Variants in TMEM120A observed in about 807,000 individuals in gnomAD.
TMEM120A encodes the protein ion channel TACAN.
TMEM120A carries 45 observed loss-of-function variants against 54.3 expected under a neutral mutation model. The ratio of observed to expected loss-of-function variants is 0.83; its 90% CI spans 0.65 to 1.06. TMEM120A has a LOEUF of 1.06. Ranked by LOEUF, TMEM120A falls within the 50% of genes least tolerant of loss-of-function variation. The pLI is 0.00. For missense variants in TMEM120A, 424 were observed against 441.7 expected (o/e 0.96, Z 0.36); for synonymous variants, 204 against 178.5 (o/e 1.14, Z -1.14).
At position 75,988,082 on chromosome 7, in the gene TMEM120A, C is replaced by A. The variant is rs1442561790; in HGVS notation, c.629+1G>T. The A allele has an allele frequency of 6.2e-7, 1 of 1,606,952 alleles. No individual in the cohort carries two copies. The highest frequency in any genetic ancestry group is 8.5e-7 in the Non-Finnish European group (1 of 1,177,340). On this transcript the variant is annotated splice_donor_variant, in intron 7 of 11. Transcript: ENST00000493111. LOFTEE classifies it high-confidence loss of function. ...GCCCCTGCCGGGGCCCAGCCACTCA[C>A]CACGTCAGCATGACTCCCGACAGGA...
At position 75,988,316 on chromosome 7, in the gene TMEM120A, G is replaced by A. The variant is rs782297716; in HGVS notation, c.499C>T (p.Leu167=). The A allele has an allele frequency of 1.2e-6, 2 of 1,612,156 alleles. No homozygotes were observed. The highest frequency in any genetic ancestry group is 3.3e-5 in the Admixed American group (2 of 59,996). ...SRVTDAAFNF[L]LVWYYCTLTI... ...AGGGTGCAGTAGTACCAGACCAGCA[G>A]GAAGTTGAAGGCAGCATCTGTCACC... Residue 167 remains leucine (L), a synonymous_variant, in exon 6 of 12, where the codon CTG becomes TTG. Transcript: ENST00000493111.
rs782681200 is a variant in TMEM120A at position 75,987,443 on chromosome 7, G to A, written c.850-15C>T. 6.4e-7 allele frequency: 1 copy of A among 1,559,526 alleles called. No homozygotes were observed. Among genetic ancestry groups the A allele is most frequent in the South Asian group, 1.2e-5 (1 of 84,990 alleles). On this transcript the variant is annotated splice_polypyrimidine_tract_variant and intron_variant, in intron 10 of 11. Transcript: ENST00000493111. ...AGCTGCCAGAACTAAGCAGGGAGGA[G>A]GCATTTTACTCAGAAGACCCAGTCC...
At chr7:75,987,452 C>G (rs1413756942) in intron 10 of TMEM120A, 24 bp from the exon 11 acceptor site, 8 of 1,558,880 alleles carry the variant, frequency 5.1e-6, no homozygotes, top group Admixed American at 3.8e-5. Flanking sequence ...AGGCATTTTA[C>G]TCAGAAGACC....
At chr7:75,990,811 A>C (rs1391085015) in intron 3 of TMEM120A, among the ~76,000 whole-genome samples, 1 of 150,864 alleles carries the variant, frequency 6.6e-6, no homozygotes, top group Admixed American at 6.7e-5. Context: ...AGGCAGGAGA[A>C]TCGCTTGAAC....
At chr7:75,993,673 C>T (rs567585816) in intron 1 of TMEM120A, among the ~76,000 whole-genome samples, 3 of 152,310 alleles carry the variant, frequency 2.0e-5, no homozygotes, top group Non-Finnish European at 4.4e-5. Flanking sequence ...ATCAGCTGGC[C>T]AGGGCTCTAC....
At chr7:75,988,391 G>A (rs1789642578) in intron 5 of TMEM120A, 30 bp downstream of exon 5, 2 of 1,609,402 alleles carry the variant, frequency 1.2e-6, no homozygotes, top group African/African-American at 1.3e-5. Context: ...TGGGGATGGG[G>A]TGGGTCCTCG....
chr7:75,989,115 GC>G lies in TMEM120A; in HGVS notation c.377+49del, dbSNP rs1339503419. The G allele has an allele frequency of 6.8e-4, 305 of 449,920 alleles. 26 individuals carry two copies. Among genetic ancestry groups the G allele is most frequent in the Middle Eastern group, 1.2e-3 (2 of 1,718 alleles). 27.9% of individuals were successfully genotyped at this position (449,920 alleles called of 1,614,324 possible). On this transcript the variant is annotated intron_variant, in intron 4 of 11. Transcript: ENST00000493111. ...GTTGAGGGGGGGAGGGGGGTAGGGG[GC>G]TAGGGGTGGAGGGGTGGAGGTTGGG...
At position 75,987,262 on chromosome 7, in the gene TMEM120A, G is replaced by A. The variant is rs781857189; in HGVS notation, c.942C>T (p.Phe314=). ...EWQVLMCGFP[F]LLLFLGNFFT... ...AGAAATTGCCGAGGAAAAGGAGGAG[G>A]AAGGGAAAGCCGCACATAAGCACCT... Residue 314 remains phenylalanine (F), a synonymous_variant, in exon 12 of 12, where the codon TTC becomes TTT. Transcript: ENST00000493111. 8.7e-6 allele frequency: 14 copies of A among 1,605,524 alleles called. No individual in the cohort carries two copies. In the East Asian group the frequency reaches 2.9e-4, roughly 33 times the overall value.
intron 3 of TMEM120A, among the ~76,000 whole-genome samples, chr7:75,989,536 G>A (rs1789753684): frequency 6.6e-6 from 1 of 150,540 alleles, no homozygotes; most frequent in Admixed American, 6.6e-5. Context: ...CCCTGCTGAG[G>A]GCCGTCCCCC....
intron 3 of TMEM120A, among the ~76,000 whole-genome samples, chr7:75,990,304 GGGAGCACTATGCCA>G (rs539092747): frequency 1.4e-4 from 22 of 152,192 alleles, no homozygotes; most frequent in South Asian, 8.3e-4. Context: ...CTGCTCTATG[GGGAGCACTATGCCA>G]GGAGCACTGT....
At position 75,989,743 on chromosome 7, in the gene TMEM120A, G is replaced by A. The variant is rs140594993; in HGVS notation, c.318-519C>T. Among the ~76,000 whole-genome samples, 1,227 of 152,036 alleles carry A rather than the reference G, an allele frequency of 8.1e-3. 15 individuals carry two copies. The highest frequency in any genetic ancestry group is 0.028 in the African/African-American group (1,153 of 41,452). ...CCCCAAGTACTCAGCCTCCCGGGGC[G>A]TTTCTTCCCACCACGACCCCCCTTG... On this transcript the variant is annotated intron_variant, in intron 3 of 11. Coordinates refer to ENST00000493111, the MANE Select transcript of TMEM120A (RefSeq NM_031925.3).
In TMEM120A at chr7:75,988,126, G is replaced by A. The variant is rs1789618725; in HGVS notation, c.586C>T (p.His196Tyr). 2.5e-6 allele frequency: 4 copies of A among 1,610,306 alleles called. No individual in the cohort carries two copies. The highest frequency in any genetic ancestry group is 2.5e-6 in the Non-Finnish European group (3 of 1,178,840). The change falls in exon 7 of 12, where the codon CAT (histidine) becomes TAT (tyrosine). Residue 196 changes from histidine to tyrosine, a missense_variant. By Grantham distance (83) the His-to-Tyr change is moderately conservative (BLOSUM62 2). Transcript: ENST00000493111. ...GSRIKGWWVFHHYVSTFLSGV... is the reference protein window; with the variant it reads ...GSRIKGWWVFYHYVSTFLSGV... ...GACAGGAAGGTGGACACGTAGTGAT[G>A]GAACACCCACCAGCCTTTGATCCTG...
intron 10 of TMEM120A, 43 bp downstream of exon 10, chr7:75,987,495 G>C: frequency 7.0e-7 from 1 of 1,427,454 alleles, no homozygotes; most frequent in Non-Finnish European, 9.2e-7. Context: ...CCGGCGCAGA[G>C]GACGGACAGA....
chr7:75,991,775 G>T (rs1789852453), intron 3 of TMEM120A, among the ~76,000 whole-genome samples: 1 of 152,068 alleles, frequency 6.6e-6, no homozygotes, highest in African/African-American at 2.4e-5. Context: ...GAACTCCTGA[G>T]TTCAAGTGAT....
chr7:75,988,541 GGGTGGGGTGCT>G, intron 4 of TMEM120A, 25 bp from the exon 5 acceptor site: 1 of 1,565,070 alleles, frequency 6.4e-7, no homozygotes, highest in Non-Finnish European at 8.7e-7. Context: ...CCGGTGAGAC[GGGTGGGGTGCT>G]GGTGGGGCCC....
chr7:75,990,680 T>C, intron 3 of TMEM120A, among the ~76,000 whole-genome samples: 1 of 151,878 alleles, frequency 6.6e-6, no homozygotes, highest in East Asian at 1.9e-4. Context: ...GGTCAGAAGA[T>C]CGAGACCAGC....
Position 75,987,545 on chromosome 7 carries a change from A to C in TMEM120A, c.842T>G (p.Phe281Cys). The C allele has an allele frequency of 1.3e-6, 2 of 1,593,644 alleles. No homozygotes were observed. Among genetic ancestry groups the C allele is most frequent in the Non-Finnish European group, 1.7e-6 (2 of 1,169,486 alleles). Reference sequence around the variant, plus strand: ...CACAGAGGCACGACTTACGTGTCCAAAGAAAAGAAAAGGCAGCAGGAAGGT... The same window carrying C: ...CACAGAGGCACGACTTACGTGTCCACAGAAAAGAAAAGGCAGCAGGAAGGT... ...GLTFLLPFLF[F>C]GHFWQLFNAL... The change falls in exon 10 of 12, where the codon TTT becomes TGT. Residue 281 changes from phenylalanine to cysteine, a missense_variant. Phe to Cys is a radical substitution (Grantham distance 205). Coordinates refer to ENST00000493111, the MANE Select transcript of TMEM120A (RefSeq NM_031925.3).
rs1554560330 is a variant in TMEM120A at position 75,987,796 on chromosome 7, G to A, written c.706C>T (p.Leu236Phe). ...FSMYQSFVQFLQYYYQSGCLY... is the reference protein window; with the variant it reads ...FSMYQSFVQFFQYYYQSGCLY... ...CAGCCGCTCTGGTAGTAGTACTGGAGAAACTGCACGAAGCCTGGGCCGGGC... is the reference window on the plus strand; with the variant it reads ...CAGCCGCTCTGGTAGTAGTACTGGAAAAACTGCACGAAGCCTGGGCCGGGC... Residue 236 changes from leucine (L) to phenylalanine (F), a missense_variant, in exon 9 of 12, where the codon CTC becomes TTC. Leu to Phe is a conservative substitution (Grantham distance 22, BLOSUM62 0). Coordinates refer to ENST00000493111, the MANE Select transcript of TMEM120A (RefSeq NM_031925.3). 3 of 1,611,996 alleles carry A rather than the reference G, an allele frequency of 1.9e-6. No individual in the cohort carries two copies. Among genetic ancestry groups the A allele is most frequent in the Non-Finnish European group, 8.5e-7 (1 of 1,179,650 alleles).
At chr7:75,989,038 G>GGGGAAGGAT in intron 4 of TMEM120A, 127 bp downstream of exon 4, 1 of 306,264 alleles carries the variant, frequency 3.3e-6, no homozygotes, top group Non-Finnish European at 6.2e-6. Flanking sequence ...GCCGGGTTGG[G>GGGGAAGGAT]GGGTGGAGGG....
Sources: gnomAD v4.1 joint callset for allele counts (sites outside exome capture counted in the v4.1 genomes callset) on GRCh38, gnomAD v4.1.1 for gene constraint, MANE v1.5 for transcripts, NCBI Gene and HGNC (gene_info 2026-07-23, HGNC 2026-07-21) for gene names.